Variants in NACC2 observed in about 807,000 individuals in gnomAD.
The protein encoded by NACC2 is NACC family member 2, also known as nucleus accumbens-associated protein 2.
Under a neutral mutation model 25.1 loss-of-function variants are expected in NACC2, and 8 were observed. That is an observed-to-expected ratio of 0.32 (90% CI 0.19 to 0.57). The LOEUF is 0.57. NACC2 is among the 20% of genes least tolerant of loss of function. The pLI is 0.89. For missense variants in NACC2, 644 were observed against 650.2 expected (o/e 0.99, Z 0.10); for synonymous variants, 435 against 294.7 (o/e 1.48, Z -4.88).
intron 2 of NACC2, among the ~76,000 whole-genome samples, chr9:136,017,245 C>T (rs1318677018): frequency 2.0e-5 from 3 of 152,180 alleles, no homozygotes; most frequent in African/African-American, 7.2e-5. Context: ...AGCGCGACCC[C>T]GATGGCACCA....
chr9:136,031,129 A>G (rs1840466379), intron 2 of NACC2, among the ~76,000 whole-genome samples: 1 of 152,218 alleles, frequency 6.6e-6, no homozygotes, highest in South Asian at 2.1e-4. Flanking sequence ...GACTTTGCCT[A>G]TGACATTTTT....
chr9:136,013,944 G>A lies in NACC2; in HGVS notation c.1077C>T (p.Gly359=), dbSNP rs1588555773. The A allele has an allele frequency of 1.2e-6, 2 of 1,612,436 alleles. No homozygotes were observed. The highest frequency in any genetic ancestry group is 1.3e-5 in the African/African-American group (1 of 74,842). ...CACACAGGTGGCAGTTCATCAGCTGGCCGCGTGTGATGTAGACCCCAGAGC... is the reference window on the plus strand; with the variant it reads ...CACACAGGTGGCAGTTCATCAGCTGACCGCGTGTGATGTAGACCCCAGAGC... ...VAGSGVYITR[G]QLMNCHLCAG... Residue 359 remains glycine (G), a synonymous_variant, in exon 4 of 6, where the codon GGC becomes GGT. Coordinates refer to ENST00000277554, the MANE Select transcript of NACC2 (RefSeq NM_144653.5). The surrounding 1 kb of genome is among the most constrained non-coding windows in gnomAD (Gnocchi z 6.6).
chr9:136,045,228 G>C (rs1346600114), intron 2 of NACC2, among the ~76,000 whole-genome samples: 2 of 151,908 alleles, frequency 1.3e-5, no homozygotes, highest in Non-Finnish European at 2.9e-5. Context: ...GGGACACCGG[G>C]TGGACCCCAG....
At chr9:136,038,823 G>A (rs1044941555) in intron 2 of NACC2, among the ~76,000 whole-genome samples, 14 of 152,144 alleles carry the variant, frequency 9.2e-5, no homozygotes, top group Non-Finnish European at 1.9e-4. Context: ...AGATGCTACC[G>A]TGCGGTCTAG....
intron 2 of NACC2, among the ~76,000 whole-genome samples, chr9:136,017,161 G>A (rs1840215978): frequency 6.6e-6 from 1 of 152,158 alleles, no homozygotes; most frequent in Admixed American, 6.5e-5. Context: ...TGCTGTCTGG[G>A]GCTGTTCCCG....
At position 136,050,305 on chromosome 9, in the gene NACC2, C is replaced by T. The variant is rs1840801932; in HGVS notation, c.217G>A (p.Val73Met). 1 of 743,470 alleles carries T rather than the reference C, an allele frequency of 1.3e-6. No individual in the cohort carries two copies. The highest frequency in any genetic ancestry group is 2.5e-6 in the Non-Finnish European group (1 of 403,818). The allele number at this position is 743,470 out of a possible 1,614,324, so 46.1% of individuals were successfully genotyped here. Residue 73 changes from valine to methionine, a missense_variant, in exon 2 of 6, where the codon GTG (valine) becomes ATG (methionine). Val to Met is a conservative substitution (Grantham distance 21). Transcript: ENST00000277554. ...ATCTGCTGGAAGCAGGCGGGCGGCACGGAGCCGGGCAGCTCGAAGGCGCTC... is the reference window on the plus strand; with the variant it reads ...ATCTGCTGGAAGCAGGCGGGCGGCATGGAGCCGGGCAGCTCGAAGGCGCTC... Reference protein sequence around the residue: ...SKSAFELPGSVPPACFQQILS... With the variant: ...SKSAFELPGSMPPACFQQILS...
chr9:136,062,908 C>T (rs1292008621), intron 1 of NACC2, among the ~76,000 whole-genome samples: 1 of 152,204 alleles, frequency 6.6e-6, no homozygotes, highest in Non-Finnish European at 1.5e-5. Flanking sequence ...CAGGGCAAGA[C>T]CCTGTCTCTA....
chr9:136,071,753 T>G (rs1841155064), intron 1 of NACC2, among the ~76,000 whole-genome samples: 1 of 152,056 alleles, frequency 6.6e-6, no homozygotes. Context: ...GGGACAGACA[T>G]ATGGATCAAT....
chr9:136,012,042 C>G lies in NACC2; in HGVS notation c.1256-18G>C. ...ACAGTACACTGTGAGGACGGGGCGG[C>G]GTGAGCTCAGCCACCTGCCTGCCGG... On this transcript the variant is annotated intron_variant, in intron 5 of 5. Coordinates refer to ENST00000277554, the MANE Select transcript of NACC2 (RefSeq NM_144653.5). 2 of 1,512,260 alleles carry G rather than the reference C, an allele frequency of 1.3e-6. No homozygotes were observed. The highest frequency in any genetic ancestry group is 3.8e-5 in the Admixed American group (2 of 52,702). The allele number at this position is 1,512,260 out of a possible 1,614,324, so 93.7% of individuals were successfully genotyped here. A position where few individuals can be genotyped will look rare whatever the true frequency, so the allele number is the denominator to read the frequency against.
At chr9:136,056,475 T>C (rs976065419) in intron 1 of NACC2, among the ~76,000 whole-genome samples, 76 of 152,318 alleles carry the variant, frequency 5.0e-4, no homozygotes, top group African/African-American at 1.8e-3. Context: ...GCCATCATCC[T>C]TCCTGGGTGG....
At chr9:136,040,554 GC>G (rs1389274205) in intron 2 of NACC2, among the ~76,000 whole-genome samples, 1 of 152,158 alleles carries the variant, frequency 6.6e-6, no homozygotes, top group African/African-American at 2.4e-5. Context: ...GTACCTAAAT[GC>G]TCACAGCCGC....
intron 1 of NACC2, among the ~76,000 whole-genome samples, chr9:136,092,428 G>A (rs1381930698): frequency 2.6e-5 from 4 of 152,304 alleles, no homozygotes; most frequent in South Asian, 2.1e-4. Flanking sequence ...ATCAGACGGC[G>A]GCTCAGGTCC....
In NACC2 at chr9:136,027,975, A is replaced by C. The variant is rs1588562378; in HGVS notation, c.887-11546T>G. Among the ~76,000 whole-genome samples, 4 of 152,270 alleles carry C rather than the reference A, an allele frequency of 2.6e-5. No individual in the cohort carries two copies. The South Asian group carries it at 8.3e-4, about 32-fold the overall frequency. On this transcript the variant is annotated intron_variant, in intron 2 of 5. Transcript: ENST00000277554. ...AAAAAGAGAAAAGACAAAAATTAACATCGGCCTGGCACAGTGGCTCACACC... is the reference window on the plus strand; with the variant it reads ...AAAAAGAGAAAAGACAAAAATTAACCTCGGCCTGGCACAGTGGCTCACACC...
At chr9:136,093,706 G>A (rs1052896183) in intron 1 of NACC2, among the ~76,000 whole-genome samples, 3 of 152,180 alleles carry the variant, frequency 2.0e-5, no homozygotes, top group African/African-American at 7.2e-5. Flanking sequence ...AGTGACCCCA[G>A]GGGAAAACGC....
In NACC2 at chr9:136,016,296, C is replaced by T. The variant is rs777819800; in HGVS notation, c.1020G>A (p.Gly340=). Residue 340 remains glycine (G), a synonymous_variant, in exon 3 of 6, where the codon GGG becomes GGA. Transcript: ENST00000277554. ...YRCHPKLYSE[G]DPGEKLELVA... is the part of the protein sequence containing the mutation. ...CCAGCTCCAGCTTCTCCCCGGGGTCCCCTTCCGAGTAGAGCTTGGGATGGC... is the reference window on the plus strand; with the variant it reads ...CCAGCTCCAGCTTCTCCCCGGGGTCTCCTTCCGAGTAGAGCTTGGGATGGC... 3 of 1,613,014 alleles carry T rather than the reference C, an allele frequency of 1.9e-6. No homozygotes were observed. The South Asian group carries it at 3.3e-5, about 18-fold the overall frequency.
chr9:136,048,200 T>C lies in NACC2; in HGVS notation c.886+1436A>G, dbSNP rs1000573297. 3.9e-3 allele frequency among the ~76,000 whole-genome samples: 590 copies of C among 152,306 alleles called. 4 individuals carry two copies. Among genetic ancestry groups the C allele is most frequent in the African/African-American group, 0.014 (563 of 41,566 alleles). ...ACTGGAGCCCATGGACAGAGCTCCT[T>C]CCCAACAGGGGCCCTGGGTGGGCCT... On this transcript the variant is annotated intron_variant, in intron 2 of 5. Coordinates refer to ENST00000277554, the MANE Select transcript of NACC2 (RefSeq NM_144653.5).
At chr9:136,080,088 C>T (rs76384747) in intron 1 of NACC2, among the ~76,000 whole-genome samples, 3,684 of 152,310 alleles carry the variant, frequency 0.024, 132 homozygotes, top group African/African-American at 0.083. Flanking sequence ...ACACACAGTC[C>T]CTACCCCGGG....
chr9:136,041,450 G>T (rs1338834739), intron 2 of NACC2, among the ~76,000 whole-genome samples: 2 of 151,834 alleles, frequency 1.3e-5, no homozygotes, highest in Non-Finnish European at 1.5e-5. Flanking sequence ...AGAAAAAAAT[G>T]AAGCATTGAC....
chr9:136,056,791 G>A (rs1840931201), intron 1 of NACC2, among the ~76,000 whole-genome samples: 1 of 152,184 alleles, frequency 6.6e-6, no homozygotes, highest in African/African-American at 2.4e-5. Flanking sequence ...TTCTACCCCA[G>A]ACCACAAGCC....
Sources: allele counts gnomAD v4.1 joint callset (sites outside exome capture counted in the v4.1 genomes callset), GRCh38; gene constraint gnomAD v4.1.1; non-coding constraint Gnocchi (gnomAD v3.1); transcripts MANE v1.5; gene names NCBI Gene and HGNC (gene_info 2026-07-23, HGNC 2026-07-21).